The following TNRC6C variants were observed in gnomAD, a reference collection of about 807,000 sequenced individuals.
The protein encoded by TNRC6C is trinucleotide repeat containing adaptor 6C, also known as trinucleotide repeat-containing gene 6C protein.
In TNRC6C, 20 loss-of-function variants were observed where a neutral mutation model predicts 153.7. That is an observed-to-expected ratio of 0.13 (90% CI 0.09 to 0.19). The LOEUF is 0.19. TNRC6C is among the 10% of genes least tolerant of loss of function. The pLI is 1.00. For missense variants in TNRC6C, 1,987 were observed against 2,172.0 expected, an observed-to-expected ratio of 0.91 and a Z score of 1.69; for synonymous variants, 811 against 841.4, an observed-to-expected ratio of 0.96 and a Z score of 0.63.
intron 2 of TNRC6C, among the ~76,000 whole-genome samples, chr17:78,041,985 A>G (rs1179299622): frequency 6.6e-6 from 1 of 152,228 alleles, no homozygotes; most frequent in Non-Finnish European, 1.5e-5. Context: ...ATACCTAATT[A>G]AAATTTTGCT....
In TNRC6C at chr17:77,992,512, A is replaced by T. The variant is rs1247843299; in HGVS notation, c.-37-11658A>T. Among the ~76,000 whole-genome samples, 10 of 151,358 alleles carry T rather than the reference A, an allele frequency of 6.6e-5. 3 individuals carry two copies. The highest frequency in any genetic ancestry group is 2.4e-4 in the African/African-American group (10 of 41,032). ...GACTCCGTCTCAAAAAAAAAAAAAAAAAAAAAGATTAAGCAAAACCACTGG... is the reference window on the plus strand; with the variant it reads ...GACTCCGTCTCAAAAAAAAAAAAAATAAAAAAGATTAAGCAAAACCACTGG... On this transcript the variant is annotated intron_variant, in intron 1 of 22. Transcript: ENST00000636222.
At chr17:78,044,039 A>G (rs866432988) in intron 2 of TNRC6C, among the ~76,000 whole-genome samples, 10 of 152,340 alleles carry the variant, frequency 6.6e-5, no homozygotes, top group Middle Eastern at 3.4e-3. Context: ...TCTCTCTTCA[A>G]TATACTGATC....
rs565849911 is a variant in TNRC6C at position 77,991,939 on chromosome 17, C to T, written c.-37-12231C>T. Among the ~76,000 whole-genome samples the T allele has an allele frequency of 3.9e-5, 6 of 152,318 alleles. 1 individual carries two copies. In the South Asian group the frequency reaches 1.2e-3, roughly 32 times the overall value. On this transcript the variant is annotated intron_variant, in intron 1 of 22. Transcript: ENST00000636222. ...TGGCTCTCTCACTTACTGTCTGTGT[C>T]TGTACGCAGAGGTCCTCTGAGCTTC...
chr17:78,042,632 G>T (rs965263876), intron 2 of TNRC6C, among the ~76,000 whole-genome samples: 2 of 150,720 alleles, frequency 1.3e-5, no homozygotes, highest in Non-Finnish European at 2.9e-5. Context: ...GTAAATCCTG[G>T]TATTCTGATT....
intron 3 of TNRC6C, among the ~76,000 whole-genome samples, chr17:78,063,520 T>C (rs1413280274): frequency 6.6e-6 from 1 of 152,006 alleles, no homozygotes; most frequent in African/African-American, 2.4e-5. Context: ...ATCTCTAACC[T>C]GTTTCCACAA....
At chr17:78,060,401 C>CT (rs1395399209) in intron 3 of TNRC6C, among the ~76,000 whole-genome samples, 1 of 151,696 alleles carries the variant, frequency 6.6e-6, no homozygotes, top group Non-Finnish European at 1.5e-5. Context: ...AGGTCAGTAC[C>CT]TTAAAAAGCC....
intron 1 of TNRC6C, among the ~76,000 whole-genome samples, chr17:78,015,075 T>C (rs1358666702): frequency 1.3e-5 from 2 of 152,238 alleles, no homozygotes; most frequent in Admixed American, 6.5e-5. Context: ...AACAATCTTA[T>C]ATTTGAGTAA....
At chr17:78,056,085 A>G (rs1435642198) in intron 3 of TNRC6C, among the ~76,000 whole-genome samples, 1 of 152,032 alleles carries the variant, frequency 6.6e-6, no homozygotes, top group Non-Finnish European at 1.5e-5. Flanking sequence ...CCTGGCCTCA[A>G]GCCATCCTCT....
intron 1 of TNRC6C, among the ~76,000 whole-genome samples, chr17:78,005,766 T>C (rs1598672553): frequency 6.6e-6 from 1 of 152,308 alleles, no homozygotes; most frequent in East Asian, 1.9e-4. Flanking sequence ...TTCTTTAGGC[T>C]TCAGTATCTC....
intron 1 of TNRC6C, among the ~76,000 whole-genome samples, chr17:77,996,684 T>A (rs1369199753): frequency 6.6e-6 from 1 of 152,230 alleles, no homozygotes; most frequent in Non-Finnish European, 1.5e-5. Context: ...TGGTGTTGGC[T>A]TCATTTTTTG....
At chr17:78,084,636 T>TC (rs2073246452) in intron 11 of TNRC6C, among the ~76,000 whole-genome samples, 1 of 150,796 alleles carries the variant, frequency 6.6e-6, no homozygotes, top group Admixed American at 6.6e-5. Context: ...TTTTTTTTTT[T>TC]TGAGACGGCG....
intron 1 of TNRC6C, among the ~76,000 whole-genome samples, chr17:78,028,186 C>T (rs1054931757): frequency 2.6e-5 from 4 of 152,136 alleles, no homozygotes; most frequent in African/African-American, 4.8e-5. Flanking sequence ...TGAGCCATCG[C>T]CCCCCGCTGA....
chr17:77,968,964 C>T (rs1341957300), intron 1 of TNRC6C, among the ~76,000 whole-genome samples: 3 of 152,188 alleles, frequency 2.0e-5, no homozygotes, highest in African/African-American at 7.2e-5. Flanking sequence ...GTGAACACAG[C>T]GTTCTTTCAT....
At chr17:78,006,280 A>G (rs2071494098) in intron 1 of TNRC6C, among the ~76,000 whole-genome samples, 1 of 152,246 alleles carries the variant, frequency 6.6e-6, no homozygotes, top group Non-Finnish European at 1.5e-5. Flanking sequence ...AATATTAAAA[A>G]GCAGCATAGC....
chr17:78,081,242 C>T (rs143170321), intron 10 of TNRC6C, among the ~76,000 whole-genome samples: 19 of 151,666 alleles, frequency 1.3e-4, no homozygotes, highest in African/African-American at 4.6e-4. Context: ...AACACCACCA[C>T]AATTAGGGTT....
intron 3 of TNRC6C, among the ~76,000 whole-genome samples, chr17:78,055,255 C>T (rs913215761): frequency 2.4e-4 from 36 of 152,118 alleles, no homozygotes; most frequent in Non-Finnish European, 5.9e-5. Context: ...AACTAAGACA[C>T]AAACGCACAC....
intron 2 of TNRC6C, among the ~76,000 whole-genome samples, chr17:78,035,424 T>A (rs1441694385): frequency 1.3e-5 from 2 of 152,190 alleles, no homozygotes; most frequent in Non-Finnish European, 1.5e-5. Context: ...CAGCACAAGG[T>A]CTTGCTTATA....
chr17:78,099,297 T>C (rs1047951688), intron 17 of TNRC6C, among the ~76,000 whole-genome samples: 2 of 152,150 alleles, frequency 1.3e-5, no homozygotes, highest in African/African-American at 4.8e-5. Context: ...GTAATAATAA[T>C]AAATAACAAA....
Position 78,055,789 on chromosome 17 carries a change from C to T in TNRC6C, c.2395+4332C>T, listed in dbSNP as rs1322751845. 2.6e-5 allele frequency among the ~76,000 whole-genome samples: 4 copies of T among 152,070 alleles called. 1 individual carries two copies. The highest frequency in any genetic ancestry group is 2.0e-4 in the Admixed American group (3 of 15,286). On this transcript the variant is annotated intron_variant, in intron 3 of 19. Coordinates refer to ENST00000301624, the Ensembl canonical transcript of TNRC6C. ...ATGTATGGAGCATTTTTATGGATCA[C>T]CTCATTGGATTTTTACAGCTCCTTG...
Sources: gnomAD v4.1 joint callset for allele counts (sites outside exome capture counted in the v4.1 genomes callset) on GRCh38, gnomAD v4.1.1 for gene constraint, MANE v1.5 for transcripts, NCBI Gene and HGNC (gene_info 2026-07-23, HGNC 2026-07-21) for gene names.